ERICH1: variants seen among roughly 807,000 people sequenced by gnomAD.
ERICH1 encodes the protein glutamate-rich protein 1.
A neutral mutation model predicts 39.6 loss-of-function variants in ERICH1; 56 were observed. The observed-to-expected ratio is 1.41, with a 90% confidence interval of 1.14 to 1.77. The LOEUF is 1.77. ERICH1 is among the 40% of genes most tolerant of loss of function. The pLI, the probability that ERICH1 is intolerant of heterozygous loss-of-function variation, is 0.00. For synonymous variants in ERICH1, 313 were observed against 223.6 expected, an observed-to-expected ratio of 1.40 and a Z score of -3.57; for missense variants, 826 against 575.4, an observed-to-expected ratio of 1.44 and a Z score of -4.45.
At chr8:626,514 T>C (rs1003403664) in intron 3 of ERICH1, 3 of 153,822 alleles carry the variant, frequency 2.0e-5, no homozygotes, top group African/African-American at 7.2e-5. Context: ...CTGCTGCAGG[T>C]ACAAAGGTGA....
At chr8:699,591 C>T (rs1811213691) in intron 2 of ERICH1, among the ~76,000 whole-genome samples, 1 of 148,560 alleles carries the variant, frequency 6.7e-6, no homozygotes, top group Non-Finnish European at 1.5e-5. Flanking sequence ...CATTTCCCTC[C>T]TATTTTCATC....
rs1349482186 is a variant in ERICH1, at chr8:699,171, C to G, written c.170-6559G>C. 2.6e-5 allele frequency among the ~76,000 whole-genome samples: 4 copies of G among 152,118 alleles called. No homozygotes were observed. The South Asian group carries it at 8.3e-4, about 32-fold the overall frequency. ...TCAGAAACTCCCCGTGCATTTGGCT[C>G]CATTCTACAATATGGTCACAGTTAC... On this transcript the variant is annotated intron_variant, in intron 2 of 5. Transcript: ENST00000262109.
At chr8:724,534 G>T (rs1340551646) in intron 1 of ERICH1, among the ~76,000 whole-genome samples, 2 of 152,060 alleles carry the variant, frequency 1.3e-5, no homozygotes, top group African/African-American at 4.8e-5. Context: ...ACGGGGGCGG[G>T]ACCTCAGAGC....
chr8:615,383 C>G (rs1222261393), intron 3 of ERICH1: 1 of 568,504 alleles, frequency 1.8e-6, no homozygotes, highest in Non-Finnish European at 3.1e-6. Flanking sequence ...AAAGAGATAA[C>G]TAAGATTAGT....
intron 2 of ERICH1, among the ~76,000 whole-genome samples, chr8:702,973 C>T (rs555198586): frequency 8.5e-5 from 13 of 152,318 alleles, no homozygotes; most frequent in African/African-American, 9.6e-5. Flanking sequence ...TGCAGAGAGC[C>T]GGAGGCCCAG....
chr8:615,062 C>A (rs1340298072), exon 4 of ERICH1: 2 of 583,530 alleles, frequency 3.4e-6, no homozygotes, highest in Admixed American at 3.3e-5. Context: ...CAGCCCTGTA[C>A]CCATCGGCCA....
At chr8:615,360 C>T (rs912536993) in intron 3 of ERICH1, 12 of 590,780 alleles carry the variant, frequency 2.0e-5, no homozygotes, top group Middle Eastern at 2.6e-4. Flanking sequence ...AGATGTGTGC[C>T]GATTGCTGGG....
intron 3 of ERICH1, among the ~76,000 whole-genome samples, chr8:655,688 C>A (rs1027010685): frequency 6.8e-6 from 1 of 146,426 alleles, no homozygotes; most frequent in Non-Finnish European, 1.5e-5. Context: ...TCCTTCCTTC[C>A]TTCCTTCCTT....
In ERICH1 at chr8:714,696, CCGGCA is replaced by C. The variant is rs1388815540; in HGVS notation, c.169+1160_169+1164del. 2.7e-3 allele frequency among the ~76,000 whole-genome samples: 80 copies of C among 29,588 alleles called. 3 individuals carry two copies. Among genetic ancestry groups the C allele is most frequent in the African/African-American group, 9.7e-3 (73 of 7,538 alleles). 19.4% of individuals were successfully genotyped at this position (29,588 alleles called of 152,430 possible). On this transcript the variant is annotated intron_variant, in intron 2 of 5. Coordinates refer to ENST00000262109, the MANE Select transcript of ERICH1 (RefSeq NM_207332.3). ...ATGTGCTGCACCCAGGCGGCCTCTT[CCGGCA>C]TCTCTCGGTGGGATGTGCTGCACCC...
At chr8:703,613 G>C (rs1245488684) in intron 2 of ERICH1, among the ~76,000 whole-genome samples, 1 of 152,232 alleles carries the variant, frequency 6.6e-6, no homozygotes, top group East Asian at 1.9e-4. Flanking sequence ...GGGAGGGAGA[G>C]CCTGTCCATA....
rs760797969 is a variant in ERICH1, at chr8:692,636, AG to A, written c.170-25del. 2.6e-6 allele frequency: 4 copies of A among 1,553,318 alleles called. No homozygotes were observed. The Admixed American group carries it at 6.2e-5, about 24-fold the overall frequency. On this transcript the variant is annotated intron_variant, in intron 2 of 5. Coordinates refer to ENST00000262109, the MANE Select transcript of ERICH1 (RefSeq NM_207332.3). Reference sequence around the variant, plus strand: ...GTCTGCAACACAGGAGGAAAATAACAGGAACTGGTAAATATCACAAAATGCA... The same window carrying A: ...GTCTGCAACACAGGAGGAAAATAACAGAACTGGTAAATATCACAAAATGCA...
intron 3 of ERICH1, among the ~76,000 whole-genome samples, chr8:634,616 A>C (rs543979070): frequency 2.0e-5 from 3 of 152,252 alleles, no homozygotes; most frequent in Admixed American, 6.5e-5. Context: ...GTAGGTGCCC[A>C]CTGTGTGCGC....
At chr8:685,232 T>C (rs1807039210) in intron 3 of ERICH1, among the ~76,000 whole-genome samples, 1 of 152,192 alleles carries the variant, frequency 6.6e-6, no homozygotes, top group African/African-American at 2.4e-5. Context: ...GGGAAATAAT[T>C]CAGCGATATT....
chr8:634,179 A>ACAAACAAAC (rs1554481854), intron 3 of ERICH1, among the ~76,000 whole-genome samples: 1 of 43,610 alleles, frequency 2.3e-5, no homozygotes, highest in East Asian at 5.1e-4. Context: ...AAAAAAAAAA[A>ACAAACAAAC]AAAAAAACAA....
At chr8:650,287 C>G (rs556313857) in intron 3 of ERICH1, among the ~76,000 whole-genome samples, 127 of 152,318 alleles carry the variant, frequency 8.3e-4, no homozygotes, top group African/African-American at 2.9e-3. Flanking sequence ...CTCCGTGGCC[C>G]CTGTCCTCGC....
At chr8:666,365 T>A (rs1440765908) in intron 5 of ERICH1, 1 of 152,228 alleles carries the variant, frequency 6.6e-6, no homozygotes, top group Admixed American at 6.5e-5. Flanking sequence ...AAATCAGCTT[T>A]TTTTTGCGGT....
intron 1 of ERICH1, among the ~76,000 whole-genome samples, chr8:720,601 G>T (rs761860589): frequency 1.3e-5 from 2 of 152,180 alleles, no homozygotes; most frequent in African/African-American, 4.8e-5. Context: ...GCTAATTCAC[G>T]ACGGTCAACA....
intron 2 of ERICH1, among the ~76,000 whole-genome samples, chr8:701,298 G>C (rs1240194871): frequency 1.3e-5 from 2 of 151,378 alleles, no homozygotes; most frequent in Non-Finnish European, 2.9e-5. Flanking sequence ...CCGGACGGGA[G>C]CACGCCATAC....
At chr8:628,854 C>T (rs1797747687) in intron 3 of ERICH1, among the ~76,000 whole-genome samples, 1 of 152,176 alleles carries the variant, frequency 6.6e-6, no homozygotes, top group South Asian at 2.1e-4. Flanking sequence ...AGCCCCCTCT[C>T]CCAGCTCCCC....
Sources: gnomAD v4.1 joint callset for allele counts (sites outside exome capture counted in the v4.1 genomes callset) on GRCh38, gnomAD v4.1.1 for gene constraint, MANE v1.5 for transcripts, NCBI Gene and HGNC (gene_info 2026-07-23, HGNC 2026-07-21) for gene names.